SBF2: variants seen among roughly 807,000 people sequenced by gnomAD.
SBF2 encodes the protein myotubularin-related protein 13.
In SBF2, 112 loss-of-function variants were observed where a neutral mutation model predicts 225.2. The observed-to-expected ratio is 0.50, with a 90% CI of 0.43 to 0.58. The LOEUF (loss-of-function observed/expected upper bound fraction) is 0.58, where lower values mean the gene tolerates loss of function less well. SBF2 is among the 20% of genes least tolerant of loss of function. The probability of loss-of-function intolerance (pLI) is 0.00; values close to 1 mark genes in which losing one functional copy is unlikely to be tolerated. For missense variants in SBF2, 1,996 were observed against 2,206.2 expected (o/e 0.90, Z 1.91); for synonymous variants, 763 against 773.3 (o/e 0.99, Z 0.22).
chr11:10,109,319 T>G (rs545773428), intron 2 of SBF2, among the ~76,000 whole-genome samples: 1 of 152,220 alleles, frequency 6.6e-6, no homozygotes, highest in African/African-American at 2.4e-5. Context: ...TCTTCTTTAA[T>G]GAGGGAGATT....
intron 1 of SBF2, chr11:10,272,357 AC>A: frequency 1.7e-6 from 1 of 578,132 alleles, no homozygotes; most frequent in Non-Finnish European, 2.9e-6. Context: ...CTTGCTAGTT[AC>A]CAGTTACTCA....
chr11:10,107,411 G>T (rs915774530), intron 2 of SBF2, among the ~76,000 whole-genome samples: 1 of 152,028 alleles, frequency 6.6e-6, no homozygotes, highest in Non-Finnish European at 1.5e-5. Flanking sequence ...AGATAAAAAA[G>T]AATATTGTAT....
At chr11:10,174,144 G>C (rs1013378177) in intron 2 of SBF2, among the ~76,000 whole-genome samples, 2 of 152,086 alleles carry the variant, frequency 1.3e-5, no homozygotes, top group Non-Finnish European at 2.9e-5. Flanking sequence ...ACCAGCAACG[G>C]AACAAAGCTG....
At chr11:10,224,446 G>A (rs937834155) in intron 1 of SBF2, among the ~76,000 whole-genome samples, 2 of 151,920 alleles carry the variant, frequency 1.3e-5, no homozygotes, top group South Asian at 4.2e-4. Flanking sequence ...GCTTCCCATT[G>A]CACTTTTAAT....
chr11:10,001,611 G>A (rs1762362020), intron 7 of SBF2, among the ~76,000 whole-genome samples: 1 of 151,224 alleles, frequency 6.6e-6, no homozygotes, highest in African/African-American at 2.4e-5. Context: ...TGCAAGCTCC[G>A]CCTCCAGGGT....
Position 9,967,511 on chromosome 11 carries a change from C to A in SBF2, c.1600+830G>T, listed in dbSNP as rs184507636. Among the ~76,000 whole-genome samples the A allele has an allele frequency of 6.0e-3, 912 of 152,058 alleles. 5 individuals carry two copies. The highest frequency in any genetic ancestry group is 0.017 in the Middle Eastern group (5 of 294). ...CTATTTATATAAAATGTCCAGAATA[C>A]GTAAAGCTATGAAGACAGAAAGTAG... is the stretch of plus-strand genomic sequence containing the variant. On this transcript the variant is annotated intron_variant, in intron 14 of 39. Transcript: ENST00000256190.
At chr11:9,822,310 G>A (rs1277035296) in intron 28 of SBF2, among the ~76,000 whole-genome samples, 1 of 149,758 alleles carries the variant, frequency 6.7e-6, no homozygotes, top group Non-Finnish European at 1.5e-5. Flanking sequence ...ACCCAGGCTG[G>A]AGTGCAGTGG....
intron 1 of SBF2, among the ~76,000 whole-genome samples, chr11:10,203,246 G>A (rs369661821): frequency 7.2e-5 from 11 of 152,112 alleles, no homozygotes; most frequent in East Asian, 3.9e-4. Context: ...TGAAGCACAC[G>A]AAAGGAACAG....
At chr11:10,173,576 G>T (rs2135256935) in intron 2 of SBF2, among the ~76,000 whole-genome samples, 1 of 152,304 alleles carries the variant, frequency 6.6e-6, no homozygotes, top group South Asian at 2.1e-4. Flanking sequence ...CGGCAGCGAG[G>T]CTGGGGGAGG....
At chr11:9,836,364 AC>A (rs1303900689) in intron 26 of SBF2, among the ~76,000 whole-genome samples, 1 of 152,150 alleles carries the variant, frequency 6.6e-6, no homozygotes, top group Non-Finnish European at 1.5e-5. Context: ...TATTGAAAAA[AC>A]ATCTTCTATC....
At chr11:9,957,450 T>C (rs967808218) in intron 16 of SBF2, 2 of 141,136 alleles carry the variant, frequency 1.4e-5, no homozygotes, top group Non-Finnish European at 3.1e-5. Context: ...ACTATATATA[T>C]AATCTTCTTG....
chr11:9,931,557 C>T (rs1431113796), intron 16 of SBF2, among the ~76,000 whole-genome samples: 2 of 152,200 alleles, frequency 1.3e-5, no homozygotes, highest in African/African-American at 4.8e-5. Flanking sequence ...AAAAGGAAAA[C>T]TAAACAACAG....
At chr11:10,223,368 C>T (rs1356294971) in intron 1 of SBF2, among the ~76,000 whole-genome samples, 2 of 128,630 alleles carry the variant, frequency 1.6e-5, no homozygotes, top group Non-Finnish European at 3.2e-5. Context: ...TGACCAGAAG[C>T]CTTACCAATA....
At chr11:9,910,983 T>C (rs1413879741) in intron 16 of SBF2, among the ~76,000 whole-genome samples, 1 of 149,042 alleles carries the variant, frequency 6.7e-6, no homozygotes, top group Admixed American at 6.7e-5. Flanking sequence ...TGCTTGAACC[T>C]GGGAGGAAGA....
intron 16 of SBF2, among the ~76,000 whole-genome samples, chr11:9,951,356 A>C (rs1865851229): frequency 6.6e-6 from 1 of 152,208 alleles, no homozygotes; most frequent in Non-Finnish European, 1.5e-5. Context: ...GGGGAAATGG[A>C]GAACAGTTAT....
chr11:10,204,510 G>T (rs1957680285), intron 1 of SBF2, among the ~76,000 whole-genome samples: 1 of 151,844 alleles, frequency 6.6e-6, no homozygotes, highest in Non-Finnish European at 1.5e-5. Context: ...GTGGTGGCAG[G>T]CTCCTGTAGT....
At chr11:10,280,224 C>A (rs775804379) in intron 1 of SBF2, among the ~76,000 whole-genome samples, 2 of 152,008 alleles carry the variant, frequency 1.3e-5, no homozygotes, top group Admixed American at 6.6e-5. Flanking sequence ...CCAAGATTAA[C>A]GAAATGACAA....
At chr11:9,893,483 G>C (rs1457240786) in intron 17 of SBF2, among the ~76,000 whole-genome samples, 2 of 152,242 alleles carry the variant, frequency 1.3e-5, no homozygotes, top group Non-Finnish European at 2.9e-5. Flanking sequence ...GAACACTGCA[G>C]TAGAAAGTGT....
At chr11:10,226,746 T>A (rs1958578413) in intron 1 of SBF2, among the ~76,000 whole-genome samples, 1 of 152,200 alleles carries the variant, frequency 6.6e-6, no homozygotes, top group South Asian at 2.1e-4. Context: ...ACATTTGGCT[T>A]GGTTCCAAGT....
Sources: allele counts gnomAD v4.1 joint callset (sites outside exome capture counted in the v4.1 genomes callset), GRCh38; gene constraint gnomAD v4.1.1; transcripts MANE v1.5; gene names NCBI Gene and HGNC (gene_info 2026-07-23, HGNC 2026-07-21).